MAPKAP1: variants seen among roughly 807,000 people sequenced by gnomAD.
MAPKAP1 encodes target of rapamycin complex 2 subunit MAPKAP1.
Under a neutral mutation model 65.7 loss-of-function variants are expected in MAPKAP1, and 20 were observed. The observed-to-expected ratio is 0.30, with a 90% CI of 0.21 to 0.44. MAPKAP1 has a LOEUF of 0.44. MAPKAP1 is among the 20% of genes least tolerant of loss of function. The pLI, the probability that MAPKAP1 is intolerant of heterozygous loss-of-function variation, is 1.00. For missense variants in MAPKAP1, 423 were observed against 648.0 expected (o/e 0.65, Z 3.77); for synonymous variants, 222 against 244.3 (o/e 0.91, Z 0.85).
At chr9:125,541,797 T>A (rs148710527) in intron 7 of MAPKAP1, among the ~76,000 whole-genome samples, 3 of 152,264 alleles carry the variant, frequency 2.0e-5, no homozygotes, top group Admixed American at 6.5e-5. Flanking sequence ...CATGCTGAGA[T>A]GAAATCAAGA....
intron 6 of MAPKAP1, among the ~76,000 whole-genome samples, chr9:125,556,434 T>G (rs559023022): frequency 6.6e-6 from 1 of 152,368 alleles, no homozygotes; most frequent in African/African-American, 2.4e-5. Context: ...AAGTCAGGGA[T>G]GGCGTCAAAT....
In MAPKAP1 at chr9:125,439,645, C is replaced by T. The variant is rs117518933; in HGVS notation, c.1444-633G>A. Among the ~76,000 whole-genome samples the T allele has an allele frequency of 0.03, 4,569 of 152,364 alleles. 85 individuals carry two copies. The highest frequency in any genetic ancestry group is 0.056 in the South Asian group (272 of 4,834). ...GGCTGAAAGAGCCCTGTGTGAAGGG[C>T]GGGGCTGCCTCCTGGGCTCCTCTCA... On this transcript the variant is annotated intron_variant, in intron 11 of 11. Transcript: ENST00000265960. The surrounding 1 kb of genome is among the most constrained non-coding windows in gnomAD (Gnocchi z 4.0).
At chr9:125,585,515 A>C (rs1589313538) in intron 5 of MAPKAP1, 40 bp downstream of exon 5, 1 of 1,600,206 alleles carries the variant, frequency 6.2e-7, no homozygotes, top group African/African-American at 1.3e-5. Context: ...TGGCCAAAAG[A>C]CCACAAGAAA....
At chr9:125,693,624 T>C (rs1835256989) in intron 1 of MAPKAP1, among the ~76,000 whole-genome samples, 1 of 148,502 alleles carries the variant, frequency 6.7e-6, no homozygotes, top group African/African-American at 2.5e-5. Flanking sequence ...TACACACATA[T>C]ATACACATAT....
At chr9:125,559,459 G>C (rs1395548789) in intron 6 of MAPKAP1, 174 bp downstream of exon 6, 2 of 582,286 alleles carry the variant, frequency 3.4e-6, no homozygotes, top group Non-Finnish European at 6.1e-6. Flanking sequence ...AGGTGCAGAG[G>C]CATGAAATAC....
At position 125,588,899 on chromosome 9, in the gene MAPKAP1, C is replaced by T. The variant is rs542528154; in HGVS notation, c.499-3172G>A. 2.0e-5 allele frequency among the ~76,000 whole-genome samples: 3 copies of T among 152,312 alleles called. No homozygotes were observed. The East Asian group carries it at 5.8e-4, about 29-fold the overall frequency. On this transcript the variant is annotated intron_variant, in intron 4 of 11. Coordinates refer to ENST00000265960, the MANE Select transcript of MAPKAP1 (RefSeq NM_001006617.3). ...ACTCCTCCACCTGCTCATCAGACTT[C>T]GGCTATACCGGCCTTCTGGAAGTAC...
chr9:125,652,982 A>T (rs554185636), intron 4 of MAPKAP1, among the ~76,000 whole-genome samples: 93 of 152,214 alleles, frequency 6.1e-4, no homozygotes, highest in Non-Finnish European at 8.7e-4. Flanking sequence ...TGGGAAAGAC[A>T]TCGTCACTGC....
chr9:125,603,966 C>T (rs1445993566), intron 4 of MAPKAP1, among the ~76,000 whole-genome samples: 1 of 81,198 alleles, frequency 1.2e-5, no homozygotes. Flanking sequence ...GGTATGATTA[C>T]AACAACAAGA....
chr9:125,461,742 T>C (rs1354730376), intron 10 of MAPKAP1, among the ~76,000 whole-genome samples: 2 of 152,192 alleles, frequency 1.3e-5, no homozygotes, highest in East Asian at 3.9e-4. Context: ...CTGGAACTTA[T>C]GAAATAAGCC....
rs201852910 is a variant in MAPKAP1 at position 125,467,965 on chromosome 9, T to C, written c.1345+7A>G. ...GAAAGGAGACATAAATAAAAGGGAC[T>C]ACTCACTGGGGCTTTTCTCTTCAGC... On this transcript the variant is annotated splice_region_variant and intron_variant, in intron 10 of 11. Transcript: ENST00000265960. 20 of 1,613,754 alleles carry C rather than the reference T, an allele frequency of 1.2e-5. No individual in the cohort carries two copies. Among genetic ancestry groups the C allele is most frequent in the Non-Finnish European group, 1.4e-5 (17 of 1,179,874 alleles).
chr9:125,667,452 T>C (rs1160733947), intron 3 of MAPKAP1, among the ~76,000 whole-genome samples: 1 of 150,446 alleles, frequency 6.6e-6, no homozygotes, highest in Non-Finnish European at 1.5e-5. Flanking sequence ...CCTGAGTAGC[T>C]AGAATTACAG....
chr9:125,585,787 C>T, intron 4 of MAPKAP1, 60 bp from the exon 5 acceptor site: 1 of 1,510,626 alleles, frequency 6.6e-7, no homozygotes, highest in Non-Finnish European at 9.1e-7. Flanking sequence ...GACCCCACTG[C>T]TCTCCAGGCC....
At chr9:125,532,284 T>G (rs1454757844) in intron 7 of MAPKAP1, among the ~76,000 whole-genome samples, 5 of 152,220 alleles carry the variant, frequency 3.3e-5, no homozygotes, top group Non-Finnish European at 7.3e-5. Flanking sequence ...AGGTCTTTTG[T>G]AAAGGTTAAA....
At chr9:125,690,141 G>A (rs1442502960) in intron 1 of MAPKAP1, among the ~76,000 whole-genome samples, 1 of 152,022 alleles carries the variant, frequency 6.6e-6, no homozygotes. Context: ...AATGAGACTG[G>A]CTACTCAGAC....
intron 10 of MAPKAP1, among the ~76,000 whole-genome samples, chr9:125,467,218 T>C (rs1418712134): frequency 2.6e-5 from 4 of 152,206 alleles, no homozygotes; most frequent in East Asian, 3.9e-4. Context: ...AACTCTTATA[T>C]AGTTTAAATT....
At chr9:125,518,536 G>A (rs1829530009) in intron 7 of MAPKAP1, among the ~76,000 whole-genome samples, 1 of 152,192 alleles carries the variant, frequency 6.6e-6, no homozygotes, top group African/African-American at 2.4e-5. Context: ...TGGTTGTGAT[G>A]GTGTGGAGCT....
At chr9:125,648,398 C>T (rs1345702396) in intron 4 of MAPKAP1, among the ~76,000 whole-genome samples, 1 of 152,202 alleles carries the variant, frequency 6.6e-6, no homozygotes, top group African/African-American at 2.4e-5. Context: ...CAATCACCTC[C>T]CTAATCACAA....
At position 125,439,416 on chromosome 9, in the gene MAPKAP1, G is replaced by T. The variant is rs562990275; in HGVS notation, c.1444-404C>A. Among the ~76,000 whole-genome samples the T allele has an allele frequency of 3.9e-4, 59 of 152,218 alleles. No homozygotes were observed. The highest frequency in any genetic ancestry group is 6.9e-4 in the Non-Finnish European group (47 of 68,036). On this transcript the variant is annotated intron_variant, in intron 11 of 11. Coordinates refer to ENST00000265960, the MANE Select transcript of MAPKAP1 (RefSeq NM_001006617.3). This position sits in a 1 kb window ranked among gnomAD's most constrained non-coding sequence, Gnocchi z 4.0. ...CTGCCTTTCCCTGTGTGAAGGCCGA[G>T]AACACAGGGATGAAAAGCAAACCAA...
intron 4 of MAPKAP1, among the ~76,000 whole-genome samples, chr9:125,622,701 C>T (rs1043482768): frequency 1.3e-5 from 2 of 152,168 alleles, no homozygotes; most frequent in Non-Finnish European, 2.9e-5. Context: ...ATCTTGGCCT[C>T]CCAAAGTGCT....
Sources: gnomAD v4.1 joint callset for allele counts (sites outside exome capture counted in the v4.1 genomes callset) on GRCh38, gnomAD v4.1.1 for gene constraint, Gnocchi (gnomAD v3.1) non-coding constraint, MANE v1.5 for transcripts, NCBI Gene and HGNC (gene_info 2026-07-23, HGNC 2026-07-21) for gene names.